RPH3A: variants seen among roughly 807,000 people sequenced by gnomAD.
The protein encoded by RPH3A is rabphilin 3A, also known as rabphilin-3A.
A neutral mutation model predicts 102.2 loss-of-function variants in RPH3A; 48 were observed. The observed-to-expected ratio is 0.47, with a 90% CI of 0.37 to 0.60. RPH3A has a LOEUF of 0.60. Among genes scored for constraint, RPH3A ranks in the 20% least tolerant of loss-of-function variants. The pLI, the probability that RPH3A is intolerant of heterozygous loss-of-function variation, is 0.00. For synonymous variants in RPH3A, 310 were observed against 324.3 expected (o/e 0.96, Z 0.47); for missense variants, 781 against 910.1 (o/e 0.86, Z 1.83).
chr12:112,659,888 A>G (rs574046257), intron 1 of RPH3A, among the ~76,000 whole-genome samples: 1 of 152,094 alleles, frequency 6.6e-6, no homozygotes, highest in Non-Finnish European at 1.5e-5. Context: ...AGGATACTCC[A>G]GTTTCATCTT....
chr12:112,599,360 A>G (rs1006516047), intron 1 of RPH3A, among the ~76,000 whole-genome samples: 1 of 152,158 alleles, frequency 6.6e-6, no homozygotes, highest in East Asian at 1.9e-4. Flanking sequence ...AAATTAATAC[A>G]TGTTTCATCT....
chr12:112,641,860 A>C (rs1489456109), intron 1 of RPH3A, among the ~76,000 whole-genome samples: 1 of 152,212 alleles, frequency 6.6e-6, no homozygotes, highest in Admixed American at 6.5e-5. Context: ...ACATAACAGG[A>C]TCAAGGCTCT....
At chr12:112,872,172 G>C (rs2136230868) in intron 10 of RPH3A, among the ~76,000 whole-genome samples, 1 of 152,186 alleles carries the variant, frequency 6.6e-6, no homozygotes, top group East Asian at 1.9e-4. Flanking sequence ...AATGCAAAAG[G>C]GTTCTCATTT....
chr12:112,758,069 G>A (rs2040833092), intron 1 of RPH3A, among the ~76,000 whole-genome samples: 1 of 152,120 alleles, frequency 6.6e-6, no homozygotes, highest in Non-Finnish European at 1.5e-5. Context: ...CTCTGCCCTG[G>A]AGTTTTCCTG....
Position 112,713,051 on chromosome 12 carries a change from C to CTTCTT in RPH3A, c.-139-79092_-139-79091insTTCTT, listed in dbSNP as rs1555204011. Among the ~76,000 whole-genome samples the CTTCTT allele has an allele frequency of 0.012, 1,032 of 85,796 alleles. 134 individuals are homozygous for CTTCTT. In the East Asian group the frequency reaches 0.12, roughly 10 times the overall value. The allele number at this position is 85,796 out of a possible 152,430, so 56.3% of individuals were successfully genotyped here. ...TTCTTCTTCTTCTTCTTCTTCTTCTCCTTCTTCTTCTTCTTCTTCTTCTTC... is the reference window on the plus strand; with the variant it reads ...TTCTTCTTCTTCTTCTTCTTCTTCTCTTCTTCTTCTTCTTCTTCTTCTTCTTCTTC... On this transcript the variant is annotated intron_variant, in intron 1 of 21. Transcript: ENST00000543106.
At chr12:112,717,765 G>T (rs1285091142) in intron 1 of RPH3A, among the ~76,000 whole-genome samples, 1 of 148,304 alleles carries the variant, frequency 6.7e-6, no homozygotes, top group African/African-American at 2.5e-5. Context: ...GAATAGGATT[G>T]CAGGTTTGCA....
In RPH3A at chr12:112,640,821, C is replaced by A. The variant is rs138824284; in HGVS notation, c.-140+65502C>A. On this transcript the variant is annotated intron_variant, in intron 1 of 21. Transcript: ENST00000543106. ...AATCCTTTAGTCTCTGACGTCTCTTCCTCAACGCTCTAGATTTTTCTCTCC... is the reference window on the plus strand; with the variant it reads ...AATCCTTTAGTCTCTGACGTCTCTTACTCAACGCTCTAGATTTTTCTCTCC... 5.7e-3 allele frequency among the ~76,000 whole-genome samples: 872 copies of A among 152,280 alleles called. 6 individuals are homozygous for A. Among genetic ancestry groups the A allele is most frequent in the Non-Finnish European group, 7.9e-3 (537 of 68,028 alleles).
At chr12:112,864,055 A>G (rs1343833907) in intron 5 of RPH3A, among the ~76,000 whole-genome samples, 1 of 152,208 alleles carries the variant, frequency 6.6e-6, no homozygotes, top group Non-Finnish European at 1.5e-5. Flanking sequence ...GATAATCCCT[A>G]TAGTTAATTC....
At chr12:112,676,462 G>C (rs2040175295) in intron 1 of RPH3A, among the ~76,000 whole-genome samples, 1 of 152,200 alleles carries the variant, frequency 6.6e-6, no homozygotes, top group African/African-American at 2.4e-5. Context: ...CCCCAGCAGG[G>C]TTAAACTCAC....
intron 1 of RPH3A, among the ~76,000 whole-genome samples, chr12:112,696,513 C>T (rs1465243796): frequency 6.6e-6 from 1 of 152,182 alleles, no homozygotes; most frequent in Admixed American, 6.5e-5. Context: ...GAAGGTGGGA[C>T]CTCTGGTGGG....
Position 112,892,304 on chromosome 12 carries a change from C to T in RPH3A, c.1775+1301C>T, listed in dbSNP as rs180976877. On this transcript the variant is annotated intron_variant, in intron 19 of 21. Transcript: ENST00000389385. ...TTCAGGTCCTCCAAGAAGGAAACAC[C>T]AAGAGAAGATACAGGTGTGCCTGTA... is the stretch of plus-strand genomic sequence containing the variant. Among the ~76,000 whole-genome samples the T allele has an allele frequency of 1.7e-4, 26 of 152,212 alleles. 1 individual carries two copies. In the East Asian group the frequency reaches 4.8e-3, roughly 28 times the overall value.
chr12:112,697,621 T>G (rs1266233620), intron 1 of RPH3A, among the ~76,000 whole-genome samples: 2 of 152,062 alleles, frequency 1.3e-5, no homozygotes, highest in East Asian at 3.8e-4. Context: ...TCCCATCACT[T>G]TGGGAGGCTG....
At chr12:112,585,098 G>C (rs1211980042) in intron 1 of RPH3A, among the ~76,000 whole-genome samples, 1 of 152,136 alleles carries the variant, frequency 6.6e-6, no homozygotes, top group Non-Finnish European at 1.5e-5. Flanking sequence ...ATGTTCGAAG[G>C]CAGGAAGCAT....
Position 112,672,098 on chromosome 12 carries a change from T to C in RPH3A, c.-140+96779T>C, listed in dbSNP as rs144307195. 2.0e-3 allele frequency among the ~76,000 whole-genome samples: 302 copies of C among 151,722 alleles called. 1 individual carries two copies. Among genetic ancestry groups the C allele is most frequent in the Middle Eastern group, 3.4e-3 (1 of 292 alleles). On this transcript the variant is annotated intron_variant, in intron 1 of 21. Transcript: ENST00000543106. The stretch of plus-strand genomic sequence containing the variant: ...ATTTTAATGAACTGGCTCATACAAC[T>C]GTAGGGGTTGGCAAGTGTCAAATCT...
intron 1 of RPH3A, among the ~76,000 whole-genome samples, chr12:112,620,612 C>G (rs191607406): frequency 1.3e-5 from 2 of 152,168 alleles, no homozygotes; most frequent in Non-Finnish European, 2.9e-5. Context: ...TAGTCAGTAC[C>G]GCCACTAGGA....
chr12:112,670,605 G>T (rs2040121066), intron 1 of RPH3A, among the ~76,000 whole-genome samples: 1 of 152,166 alleles, frequency 6.6e-6, no homozygotes, highest in Admixed American at 6.5e-5. Context: ...ATTGAACAAT[G>T]GGTTGTCCTT....
Position 112,597,467 on chromosome 12 carries a change from C to T in RPH3A, c.-140+22148C>T, listed in dbSNP as rs193039720. Reference sequence around the variant, plus strand: ...AGGCATAGTGGTGTGTGCCTGTAGCCCCAAGGCTGGGAGTACAGCCTTGGG... The same window carrying T: ...AGGCATAGTGGTGTGTGCCTGTAGCTCCAAGGCTGGGAGTACAGCCTTGGG... On this transcript the variant is annotated intron_variant, in intron 1 of 21. Transcript: ENST00000543106. Among the ~76,000 whole-genome samples the T allele has an allele frequency of 4.0e-3, 606 of 152,058 alleles. 6 individuals are homozygous for T. Among genetic ancestry groups the T allele is most frequent in the African/African-American group, 0.014 (570 of 41,468 alleles).
At chr12:112,640,226 G>A (rs1566238616) in intron 1 of RPH3A, among the ~76,000 whole-genome samples, 1 of 150,056 alleles carries the variant, frequency 6.7e-6, no homozygotes, top group Non-Finnish European at 1.5e-5. Flanking sequence ...TCTGGAGGCT[G>A]AGGCAGGAGG....
At chr12:112,600,086 C>A (rs1451457872) in intron 1 of RPH3A, among the ~76,000 whole-genome samples, 2 of 152,094 alleles carry the variant, frequency 1.3e-5, no homozygotes, top group African/African-American at 4.8e-5. Context: ...AACCCTGAAC[C>A]CTGAGCCTGG....
Sources: gnomAD v4.1 joint callset for allele counts (sites outside exome capture counted in the v4.1 genomes callset) on GRCh38, gnomAD v4.1.1 for gene constraint, MANE v1.5 for transcripts, NCBI Gene and HGNC (gene_info 2026-07-23, HGNC 2026-07-21) for gene names.